The following APOBEC3D variants were observed in gnomAD, a reference collection of about 807,000 sequenced individuals.
APOBEC3D encodes DNA dC->dU-editing enzyme APOBEC-3D.
A neutral mutation model predicts 45.6 loss-of-function variants in APOBEC3D; 37 were observed. The observed-to-expected ratio is 0.81, with a 90% CI of 0.62 to 1.07. The LOEUF (loss-of-function observed/expected upper bound fraction) is 1.07, where lower values mean the gene tolerates loss of function less well. Ranked by LOEUF, APOBEC3D falls within the 50% of genes least tolerant of loss-of-function variation. APOBEC3D has a pLI of 0.00. For missense variants in APOBEC3D, 496 were observed against 495.3 expected, an observed-to-expected ratio of 1.00 and a Z score of -0.01; for synonymous variants, 175 against 180.7, an observed-to-expected ratio of 0.97 and a Z score of 0.25.
chr22:39,022,714 G>A lies in APOBEC3D; in HGVS notation c.18-108G>A, dbSNP rs1603275353. ...AGCAGAAATTCTCAGGGCTGTGGAG[G>A]GGTGGGGGAGGCCCAGGGCCGTCCC... On this transcript the variant is annotated intron_variant, in intron 1 of 6. Transcript: ENST00000216099. 3 of 1,403,772 alleles carry A rather than the reference G, an allele frequency of 2.1e-6. No homozygotes were observed. In the East Asian group the frequency reaches 7.5e-5, roughly 35 times the overall value. The allele number at this position is 1,403,772 out of a possible 1,614,324, so 87.0% of individuals were successfully genotyped here. A position where few individuals can be genotyped will look rare whatever the true frequency, so the allele number is the denominator to read the frequency against.
At chr22:39,024,384 TG>T (rs1294163726) in intron 2 of APOBEC3D, among the ~76,000 whole-genome samples, 1 of 152,140 alleles carries the variant, frequency 6.6e-6, no homozygotes, top group African/African-American at 2.4e-5. Flanking sequence ...TGAGGATGCC[TG>T]GTGAATGGAT....
At chr22:39,026,684 C>A (rs1388182635) in intron 4 of APOBEC3D, among the ~76,000 whole-genome samples, 4 of 152,206 alleles carry the variant, frequency 2.6e-5, no homozygotes, top group African/African-American at 9.7e-5. Context: ...AAATCCCTCC[C>A]ACAGGGATGG....
intron 4 of APOBEC3D, 91 bp from the exon 5 acceptor site, chr22:39,029,272 G>A: frequency 7.0e-7 from 1 of 1,436,806 alleles, no homozygotes; most frequent in Non-Finnish European, 9.6e-7. Context: ...GATGGGAGAG[G>A]CCCAGACTCC....
At chr22:39,029,019 GA>G (rs1301994647) in intron 4 of APOBEC3D, among the ~76,000 whole-genome samples, 1 of 152,194 alleles carries the variant, frequency 6.6e-6, no homozygotes, top group Non-Finnish European at 1.5e-5. Context: ...GAATTGAGCT[GA>G]AATGTTCAAG....
chr22:39,029,611 G>C, intron 5 of APOBEC3D, 92 bp downstream of exon 5: 1 of 1,459,400 alleles, frequency 6.9e-7, no homozygotes, highest in Non-Finnish European at 9.3e-7. Flanking sequence ...CGTGGGCTCT[G>C]CTATGTGTAC....
intron 4 of APOBEC3D, among the ~76,000 whole-genome samples, chr22:39,026,829 T>C (rs1925721081): frequency 6.6e-6 from 1 of 151,912 alleles, no homozygotes; most frequent in Admixed American, 6.5e-5. Context: ...CTCGGCTCAC[T>C]GCAACCTCTG....
At chr22:39,028,122 C>T (rs982204658) in intron 4 of APOBEC3D, among the ~76,000 whole-genome samples, 2 of 152,270 alleles carry the variant, frequency 1.3e-5, no homozygotes, top group Admixed American at 1.3e-4. Context: ...TAAGTCATTT[C>T]TTCCAAAGAC....
At chr22:39,032,140 C>T (rs1926287205) in intron 6 of APOBEC3D, 58 bp from the exon 7 acceptor site, 2 of 1,599,432 alleles carry the variant, frequency 1.3e-6, no homozygotes, top group Admixed American at 3.4e-5. Flanking sequence ...GGGGAGGGCC[C>T]AGGGCCGGGA....
rs1168302896 is a variant in APOBEC3D at position 39,032,973 on chromosome 22, G to T, written c.*657G>T. On this transcript the variant is annotated 3_prime_UTR_variant, in exon 7 of 7. Transcript: ENST00000216099. ...TGGCCCTGGTGACTCACGCCTTTCG[G>T]AGGCAGAGGTGGGAGAATCGCTTGA... is the stretch of plus-strand genomic sequence containing the variant. The T allele has an allele frequency of 1.3e-5, 2 of 151,834 alleles. No homozygotes were observed. Among genetic ancestry groups the T allele is most frequent in the Non-Finnish European group, 2.9e-5 (2 of 68,264 alleles). 9.4% of individuals were successfully genotyped at this position (151,834 alleles called of 1,614,324 possible).
At chr22:39,028,471 C>T (rs946844575) in intron 4 of APOBEC3D, among the ~76,000 whole-genome samples, 2 of 152,232 alleles carry the variant, frequency 1.3e-5, no homozygotes, top group African/African-American at 4.8e-5. Flanking sequence ...AGGCCTCAGG[C>T]ACATGCCATG....
intron 2 of APOBEC3D, among the ~76,000 whole-genome samples, chr22:39,024,867 C>T (rs1394628804): frequency 2.0e-5 from 3 of 152,174 alleles, no homozygotes; most frequent in South Asian, 2.1e-4. Context: ...GGTGCCACCT[C>T]TTAAGGCCAG....
At chr22:39,023,981 C>T (rs1925384617) in intron 2 of APOBEC3D, among the ~76,000 whole-genome samples, 1 of 152,062 alleles carries the variant, frequency 6.6e-6, no homozygotes, top group Admixed American at 6.6e-5. Context: ...AGGGAGTCGT[C>T]TGTATGCTGG....
chr22:39,021,685 C>T (rs1276289148), intron 1 of APOBEC3D, 149 bp downstream of exon 1: 21 of 1,126,142 alleles, frequency 1.9e-5, no homozygotes, highest in Admixed American at 4.1e-5. Flanking sequence ...CCCAGCCAGA[C>T]TCCTTGCCCT....
chr22:39,030,923 A>T (rs920483148), intron 5 of APOBEC3D, among the ~76,000 whole-genome samples: 1 of 152,310 alleles, frequency 6.6e-6, no homozygotes, highest in East Asian at 1.9e-4. Context: ...ATCCCAACAC[A>T]TCGTGAGGCC....
At chr22:39,027,403 T>TG (rs554132364) in intron 4 of APOBEC3D, among the ~76,000 whole-genome samples, 1 of 151,848 alleles carries the variant, frequency 6.6e-6, no homozygotes, top group Non-Finnish European at 1.5e-5. Flanking sequence ...AGCTACCGGG[T>TG]GGGGGGCGTC....
intron 6 of APOBEC3D, 69 bp downstream of exon 6, chr22:39,032,042 G>C: frequency 6.2e-7 from 1 of 1,600,942 alleles, no homozygotes; most frequent in Non-Finnish European, 8.5e-7. Flanking sequence ...GGTCTGCAAT[G>C]CCGTGGGGCG....
chr22:39,030,095 C>T (rs1926062920), intron 5 of APOBEC3D, among the ~76,000 whole-genome samples: 1 of 150,828 alleles, frequency 6.6e-6, no homozygotes. Context: ...GAAACAGCAG[C>T]TGTGGGAAGC....
Position 39,025,626 on chromosome 22 carries a change from A to G in APOBEC3D, c.560A>G (p.Asp187Gly). The G allele has an allele frequency of 6.2e-7, 1 of 1,614,006 alleles. No individual in the cohort carries two copies. The highest frequency in any genetic ancestry group is 8.5e-7 in the Non-Finnish European group (1 of 1,179,974). The change falls in exon 4 of 7, where the codon GAT becomes GGT. Residue 187 changes from aspartate to glycine, a missense_variant. Physicochemically the swap from Asp to Gly is moderately conservative, Grantham distance 94. Transcript: ENST00000216099. Reference protein sequence around the residue: ...GQPFMPWYKFDDNYASLHRTL... With the variant: ...GQPFMPWYKFGDNYASLHRTL... Reference sequence around the variant, plus strand: ...CCATTCATGCCTTGGTACAAATTCGATGACAATTATGCATCCCTGCACCGC... The same window carrying G: ...CCATTCATGCCTTGGTACAAATTCGGTGACAATTATGCATCCCTGCACCGC...
chr22:39,028,867 G>A (rs551227998), intron 4 of APOBEC3D, among the ~76,000 whole-genome samples: 6 of 152,226 alleles, frequency 3.9e-5, no homozygotes, highest in Non-Finnish European at 7.4e-5. Flanking sequence ...ACCAGGAGGC[G>A]GAAGTTATAG....
Sources: allele counts gnomAD v4.1 joint callset (sites outside exome capture counted in the v4.1 genomes callset), GRCh38; gene constraint gnomAD v4.1.1; transcripts MANE v1.5; gene names NCBI Gene and HGNC (gene_info 2026-07-23, HGNC 2026-07-21).